Variants in TMEM132D observed in about 807,000 individuals in gnomAD.
TMEM132D encodes mature OL transmembrane protein.
In TMEM132D, 21 loss-of-function variants were observed where a neutral mutation model predicts 62.3. The ratio of observed to expected loss-of-function variants is 0.34; its 90% CI spans 0.24 to 0.49. TMEM132D has a LOEUF of 0.49. TMEM132D is among the 20% of genes least tolerant of loss of function. TMEM132D has a pLI of 0.99. For synonymous variants in TMEM132D, 621 were observed against 575.6 expected, an observed-to-expected ratio of 1.08 and a Z score of -1.13; for missense variants, 1,346 against 1,402.8, an observed-to-expected ratio of 0.96 and a Z score of 0.65.
chr12:129,254,851 C>T (rs1349215988), intron 4 of TMEM132D, among the ~76,000 whole-genome samples: 1 of 152,168 alleles, frequency 6.6e-6, no homozygotes, highest in Non-Finnish European at 1.5e-5. Flanking sequence ...TTTCATCTCA[C>T]CCTAGGCTGT....
chr12:129,485,163 A>G (rs1339051815), intron 3 of TMEM132D, among the ~76,000 whole-genome samples: 1 of 152,192 alleles, frequency 6.6e-6, no homozygotes, highest in Non-Finnish European at 1.5e-5. Flanking sequence ...ATTACTGAGC[A>G]TGGGGGGTCA....
At chr12:129,865,732 G>A (rs979285041) in intron 1 of TMEM132D, among the ~76,000 whole-genome samples, 6 of 152,192 alleles carry the variant, frequency 3.9e-5, no homozygotes, top group Non-Finnish European at 5.9e-5. Flanking sequence ...CTCTATGCCC[G>A]GCACTGGTCT....
At chr12:129,642,858 G>A (rs1040883760) in intron 2 of TMEM132D, among the ~76,000 whole-genome samples, 74 of 149,560 alleles carry the variant, frequency 4.9e-4, no homozygotes, top group African/African-American at 9.1e-4. Context: ...TCAGAGAAAC[G>A]TTAAACACAT....
intron 1 of TMEM132D, among the ~76,000 whole-genome samples, chr12:129,845,193 A>G (rs1873323524): frequency 6.6e-6 from 1 of 152,234 alleles, no homozygotes; most frequent in Admixed American, 6.5e-5. Context: ...TATTTAAAAT[A>G]CGCATACCAA....
In TMEM132D at chr12:129,371,241, A is replaced by G. The variant is rs1870588468; in HGVS notation, c.1116-33424T>C. Among the ~76,000 whole-genome samples, 1 of 152,156 alleles carries G rather than the reference A, an allele frequency of 6.6e-6. No individual in the cohort carries two copies. The highest frequency in any genetic ancestry group is 2.4e-5 in the African/African-American group (1 of 41,432). ...TTAAATTATTGTTGTTACTGTGGTG[A>G]TGATGGTGGCAGTGATGATGATGAT... is the stretch of plus-strand genomic sequence containing the variant. On this transcript the variant is annotated intron_variant, in intron 3 of 8. Coordinates refer to ENST00000422113, the MANE Select transcript of TMEM132D (RefSeq NM_133448.3). This position sits in a 1 kb window ranked among gnomAD's most constrained non-coding sequence, Gnocchi z 4.3.
intron 5 of TMEM132D, among the ~76,000 whole-genome samples, chr12:129,188,762 G>GA (rs1878293924): frequency 2.4e-5 from 3 of 126,220 alleles, no homozygotes; most frequent in African/African-American, 5.8e-5. Flanking sequence ...AGGGAGAGAG[G>GA]GAGAGAGAGA....
At chr12:129,386,731 C>T (rs55743061) in intron 3 of TMEM132D, among the ~76,000 whole-genome samples, 33,668 of 150,490 alleles carry the variant, frequency 0.22, 3,748 homozygotes, top group Non-Finnish European at 0.27. Context: ...CCAACACCAA[C>T]GCCACCAATG....
chr12:129,555,506 C>T (rs1025277583), intron 2 of TMEM132D, among the ~76,000 whole-genome samples: 2 of 152,072 alleles, frequency 1.3e-5, no homozygotes, highest in Non-Finnish European at 2.9e-5. Flanking sequence ...ACATTTATTT[C>T]GAAGAGTTTC....
chr12:129,517,724 G>C (rs1420404478), intron 3 of TMEM132D, among the ~76,000 whole-genome samples: 1 of 152,216 alleles, frequency 6.6e-6, no homozygotes, highest in African/African-American at 2.4e-5. Context: ...TGAGGTTTCT[G>C]ATACAGTTTC....
At chr12:129,723,943 G>A (rs910901923) in intron 1 of TMEM132D, among the ~76,000 whole-genome samples, 6 of 152,074 alleles carry the variant, frequency 3.9e-5, no homozygotes, top group African/African-American at 1.2e-4. Flanking sequence ...TTCCAGAACC[G>A]GTGACTATGT....
intron 1 of TMEM132D, chr12:129,839,782 G>A (rs1265177929): frequency 1.3e-5 from 2 of 152,200 alleles, no homozygotes; most frequent in African/African-American, 4.8e-5. Context: ...TTCAACAGAG[G>A]CGATCCGGAT....
At chr12:129,180,428 A>T (rs1878034045) in intron 5 of TMEM132D, among the ~76,000 whole-genome samples, 2 of 152,128 alleles carry the variant, frequency 1.3e-5, no homozygotes, top group African/African-American at 4.8e-5. Context: ...TCATTTGCTC[A>T]CATACTCAGT....
At position 129,074,217 on chromosome 12, in the gene TMEM132D, C is replaced by A. The variant is rs77778748; in HGVS notation, c.2958G>T (p.Glu986Asp). 1 of 1,613,990 alleles carries A rather than the reference C, an allele frequency of 6.2e-7. No homozygotes were observed. Among genetic ancestry groups the A allele is most frequent in the South Asian group, 1.1e-5 (1 of 91,066 alleles). ...TGCCCCTGTCAATGGCAGTGATTTG[C>A]TCATCTTGCGAGGAGGCAAAGTTGA... ...NHINFASSQD[E>D]QITAIDRGMD... Residue 986 changes from glutamate (E) to aspartate (D), a missense_variant, in exon 9 of 9, where the codon GAG (glutamate) becomes GAT (aspartate). Coordinates refer to ENST00000422113, the MANE Select transcript of TMEM132D (RefSeq NM_133448.3).
In TMEM132D at chr12:129,597,144, T is replaced by C. The variant is rs138257039; in HGVS notation, c.969-65939A>G. ...CTGAGGGAACATGTTCAGTACAGAC[T>C]TTTTGTTTCCAAATATTTTCTATCC... On this transcript the variant is annotated intron_variant, in intron 2 of 8. Transcript: ENST00000422113. 5.3e-3 allele frequency among the ~76,000 whole-genome samples: 810 copies of C among 152,134 alleles called. 13 individuals carry two copies. Among genetic ancestry groups the C allele is most frequent in the African/African-American group, 0.018 (768 of 41,534 alleles).
intron 1 of TMEM132D, among the ~76,000 whole-genome samples, chr12:129,773,441 T>C (rs139637746): frequency 1.3e-5 from 2 of 152,142 alleles, no homozygotes; most frequent in Non-Finnish European, 2.9e-5. Context: ...CCTTCACTCA[T>C]TGGAGACACT....
At chr12:129,379,241 AT>A (rs1593357406) in intron 3 of TMEM132D, among the ~76,000 whole-genome samples, 1 of 152,180 alleles carries the variant, frequency 6.6e-6, no homozygotes, top group African/African-American at 2.4e-5. Context: ...GGGTGGTTAA[AT>A]TACAGGCTTA....
chr12:129,697,792 A>C (rs1881241834), intron 2 of TMEM132D, among the ~76,000 whole-genome samples: 1 of 152,158 alleles, frequency 6.6e-6, no homozygotes, highest in Non-Finnish European at 1.5e-5. Context: ...TTTGTTACAG[A>C]CTGCCAAAGA....
chr12:129,275,698 C>T (rs1476818111), intron 4 of TMEM132D, among the ~76,000 whole-genome samples: 1 of 152,230 alleles, frequency 6.6e-6, no homozygotes, highest in East Asian at 1.9e-4. Context: ...TTCTCCCGGG[C>T]TCAGGTCCCA....
chr12:129,095,416 G>A (rs1023825665), intron 5 of TMEM132D, among the ~76,000 whole-genome samples: 4 of 145,230 alleles, frequency 2.8e-5, no homozygotes, highest in African/African-American at 1.0e-4. Flanking sequence ...GTGAAGTGGT[G>A]CGATCTTGGC....
Sources: gnomAD v4.1 joint callset for allele counts (sites outside exome capture counted in the v4.1 genomes callset) on GRCh38, gnomAD v4.1.1 for gene constraint, Gnocchi (gnomAD v3.1) non-coding constraint, MANE v1.5 for transcripts, NCBI Gene and HGNC (gene_info 2026-07-23, HGNC 2026-07-21) for gene names.